UBE2S: variants seen among roughly 807,000 people sequenced by gnomAD.
The protein encoded by UBE2S is ubiquitin conjugating enzyme E2 S.
UBE2S carries 3 observed loss-of-function variants against 12.3 expected under a neutral mutation model. That is an observed-to-expected ratio of 0.24 (90% CI 0.11 to 0.63). The LOEUF is 0.63. UBE2S is among the 30% of genes least tolerant of loss of function. UBE2S has a pLI of 0.85. For synonymous variants in UBE2S, 133 were observed against 142.0 expected, an observed-to-expected ratio of 0.94 and a Z score of 0.45; for missense variants, 211 against 313.9, an observed-to-expected ratio of 0.67 and a Z score of 2.48.
In UBE2S at chr19:55,406,969, A is replaced by C; in HGVS notation, c.4-7T>G. 6.2e-7 allele frequency: 1 copy of C among 1,613,160 alleles called. No homozygotes were observed. The highest frequency in any genetic ancestry group is 8.5e-7 in the Non-Finnish European group (1 of 1,179,458). ...GGTTCTCCACGTTGGAGTTCTGGGC[A>C]CGGATGGGAGAGCAGGGTGAGCGAG... is the stretch of plus-strand genomic sequence containing the variant. On this transcript the variant is annotated splice_region_variant and splice_polypyrimidine_tract_variant and intron_variant, in intron 1 of 3. Coordinates refer to ENST00000264552, the MANE Select transcript of UBE2S (RefSeq NM_014501.3).
intron 3 of UBE2S, 37 bp from the exon 4 acceptor site, chr19:55,401,799 A>G (rs944828440): frequency 3.1e-6 from 5 of 1,609,538 alleles, no homozygotes; most frequent in African/African-American, 2.7e-5. Flanking sequence ...TGGGTCGGGC[A>G]ACCTACAGGG....
chr19:55,402,906 ACTCATTAGAAATTTGG>A, intron 3 of UBE2S: 3 of 1,507,800 alleles, frequency 2.0e-6, no homozygotes, highest in Non-Finnish European at 2.7e-6. Flanking sequence ...TGCCCCAGGG[ACTCATTAGAAATTTGG>A]TTAACTTTTT....
rs542371434 is a variant in UBE2S at position 55,401,397 on chromosome 19, G to T, written c.*39C>A. 2,126 of 1,401,078 alleles carry T rather than the reference G, an allele frequency of 1.5e-3. 16 individuals are homozygous for T. The African/African-American group carries it at 0.023, about 15-fold the overall frequency. The allele number at this position is 1,401,078 out of a possible 1,614,324, so 86.8% of individuals were successfully genotyped here. ...AGACAGAGTTGGAGGGAGGGGACAG[G>T]AGAGGTTGGGGTCACGGTGGAAGGA... is the stretch of plus-strand genomic sequence containing the variant. On this transcript the variant is annotated 3_prime_UTR_variant, in exon 4 of 4. Coordinates refer to ENST00000264552, the MANE Select transcript of UBE2S (RefSeq NM_014501.3).
At chr19:55,407,099 C>G in intron 1 of UBE2S, 137 bp from the exon 2 acceptor site, 1 of 1,091,864 alleles carries the variant, frequency 9.2e-7, no homozygotes, top group Non-Finnish European at 1.3e-6. Flanking sequence ...CAGACCCTCA[C>G]CCAGGATGCT....
rs1569047848 is a variant in UBE2S at position 55,401,425 on chromosome 19, A to G, written c.*11T>C. On this transcript the variant is annotated 3_prime_UTR_variant, in exon 4 of 4. Coordinates refer to ENST00000264552, the MANE Select transcript of UBE2S (RefSeq NM_014501.3). ...AGGTTGGGGTCACGGTGGAAGGAGG[A>G]AGAGAGCCCACTACAGCCGCCGCAG... 6.3e-7 allele frequency: 1 copy of G among 1,584,250 alleles called. No homozygotes were observed. The highest frequency in any genetic ancestry group is 2.2e-5 in the East Asian group (1 of 44,770).
In UBE2S at chr19:55,401,598, C is replaced by G; in HGVS notation, c.507G>C (p.Arg169=). ...GGPSGRAEAG[R]ALASGTEASS... ...AAGCTTCAGTGCCACTGGCCAGGGCCCGACCGGCTTCGGCCCTGCCGCTGG... is the reference window on the plus strand; with the variant it reads ...AAGCTTCAGTGCCACTGGCCAGGGCGCGACCGGCTTCGGCCCTGCCGCTGG... Residue 169 remains arginine, a synonymous_variant, in exon 4 of 4, where the codon CGG becomes CGC. Coordinates refer to ENST00000264552, the MANE Select transcript of UBE2S (RefSeq NM_014501.3). The G allele has an allele frequency of 6.2e-7, 1 of 1,607,800 alleles. No homozygotes were observed.
At chr19:55,406,682 G>A in intron 2 of UBE2S, 133 bp downstream of exon 2, 2 of 1,144,392 alleles carry the variant, frequency 1.7e-6, no homozygotes, top group Non-Finnish European at 2.5e-6. Context: ...GTGGCGTCCT[G>A]CCCTGTCCAC....
At position 55,401,450 on chromosome 19, in the gene UBE2S, G is replaced by A; in HGVS notation, c.655C>T (p.Leu219=). The change falls in exon 4 of 4, where the codon CTG becomes TTG. Residue 219 remains leucine (L), a synonymous_variant. Transcript: ENST00000264552. ...AAGAGAGCCCACTACAGCCGCCGCA[G>A]CGCCCGCTTCTTGTCCGTCTTTTTC... ...AKKKTDKKRA[L]RRL is the part of the protein sequence containing the mutation. 1 of 1,604,606 alleles carries A rather than the reference G, an allele frequency of 6.2e-7. No homozygotes were observed. The highest frequency in any genetic ancestry group is 2.3e-4 in the Middle Eastern group (1 of 4,428).
chr19:55,406,325 T>C (rs866637415), intron 2 of UBE2S, among the ~76,000 whole-genome samples: 11 of 152,320 alleles, frequency 7.2e-5, no homozygotes, highest in Middle Eastern at 3.4e-3. Flanking sequence ...AACAGAAATG[T>C]AGCCTGCATG....
chr19:55,401,886 C>T lies in UBE2S; in HGVS notation c.343-124G>A, dbSNP rs1012024907. The T allele has an allele frequency of 1.7e-5, 17 of 991,848 alleles. No individual in the cohort carries two copies. The African/African-American group carries it at 2.7e-4, about 16-fold the overall frequency. The allele number at this position is 991,848 out of a possible 1,614,324, so 61.4% of individuals were successfully genotyped here. On this transcript the variant is annotated intron_variant, in intron 3 of 3. Coordinates refer to ENST00000264552, the MANE Select transcript of UBE2S (RefSeq NM_014501.3). ...TCCCAACTCAGCTGCAGATCCAGGC[C>T]CCACCTATGCTGCATCCTCCCTCAT...
chr19:55,405,746 A>T (rs755657894), intron 2 of UBE2S, among the ~76,000 whole-genome samples: 13 of 152,164 alleles, frequency 8.5e-5, no homozygotes, highest in Non-Finnish European at 1.5e-4. Flanking sequence ...TATGCCTTTC[A>T]GATCAAGGAT....
chr19:55,406,754 C>G, intron 2 of UBE2S, 61 bp downstream of exon 2: 1 of 1,560,278 alleles, frequency 6.4e-7, no homozygotes, highest in South Asian at 1.2e-5. Context: ...CTAGGGTGAT[C>G]TAGAGCAGGG....
chr19:55,407,131 A>ATGTTTCT (rs1402365334), intron 1 of UBE2S, among the ~76,000 whole-genome samples, 169 bp from the exon 2 acceptor site: 1 of 150,978 alleles, frequency 6.6e-6, no homozygotes, highest in Non-Finnish European at 1.5e-5. Context: ...GCCCAGGCAG[A>ATGTTTCT]GTTTCCAACA....
At chr19:55,402,852 C>T (rs943842631) in intron 3 of UBE2S, 3 of 1,084,192 alleles carry the variant, frequency 2.8e-6, no homozygotes, top group African/African-American at 3.2e-5. Flanking sequence ...AATCCTCTCC[C>T]TCCCCATGGC....
chr19:55,407,024 A>G, intron 1 of UBE2S, 62 bp from the exon 2 acceptor site: 2 of 1,576,080 alleles, frequency 1.3e-6, no homozygotes, highest in Non-Finnish European at 1.7e-6. Flanking sequence ...CGCAGGGCCT[A>G]AAGATGCTGA....
At chr19:55,406,778 A>G (rs372455669) in intron 2 of UBE2S, 37 bp downstream of exon 2, 1 of 1,591,926 alleles carries the variant, frequency 6.3e-7, no homozygotes, top group Non-Finnish European at 8.6e-7. Context: ...TGGAGGATCT[A>G]AGCAGCAGCC....
chr19:55,403,301 A>T, intron 3 of UBE2S: 1 of 569,982 alleles, frequency 1.8e-6, no homozygotes, highest in Non-Finnish European at 3.1e-6. Flanking sequence ...AAAAGCCTCT[A>T]ATGAGACCCC....
At chr19:55,402,787 AG>A (rs924919855) in intron 3 of UBE2S, among the ~76,000 whole-genome samples, 2 of 152,196 alleles carry the variant, frequency 1.3e-5, no homozygotes, top group African/African-American at 4.8e-5. Context: ...CCCCAGGGGA[AG>A]GGAGGCGGTA....
At chr19:55,402,750 C>CA (rs1396807836) in intron 3 of UBE2S, among the ~76,000 whole-genome samples, 1 of 152,110 alleles carries the variant, frequency 6.6e-6, no homozygotes, top group African/African-American at 2.4e-5. Flanking sequence ...AGCTCGGTGC[C>CA]AATGTCCCCA....
Sources: gnomAD v4.1 joint callset for allele counts (sites outside exome capture counted in the v4.1 genomes callset) on GRCh38, gnomAD v4.1.1 for gene constraint, MANE v1.5 for transcripts, NCBI Gene and HGNC (gene_info 2026-07-23, HGNC 2026-07-21) for gene names.